Variants in RGS7 observed in about 807,000 individuals in gnomAD.
RGS7 encodes regulator of G protein signaling 7.
Under a neutral mutation model 81.1 loss-of-function variants are expected in RGS7, and 27 were observed. The observed-to-expected ratio is 0.33, with a 90% confidence interval of 0.25 to 0.46. The LOEUF (loss-of-function observed/expected upper bound fraction) is 0.46, where lower values mean the gene tolerates loss of function less well. Among genes scored for constraint, RGS7 ranks in the 20% least tolerant of loss-of-function variants. RGS7 has a pLI of 1.00. For missense variants in RGS7, 396 were observed against 607.4 expected, an observed-to-expected ratio of 0.65 and a Z score of 3.66; for synonymous variants, 208 against 207.7, an observed-to-expected ratio of 1.00 and a Z score of -0.01.
At chr1:240,955,981 G>A (rs1362048318) in intron 4 of RGS7, among the ~76,000 whole-genome samples, 5 of 152,140 alleles carry the variant, frequency 3.3e-5, no homozygotes, top group Non-Finnish European at 7.3e-5. Context: ...GGGTTGTCAG[G>A]TATAGCACTA....
intron 10 of RGS7, among the ~76,000 whole-genome samples, chr1:240,825,780 C>T (rs1296724837): frequency 6.6e-6 from 1 of 152,140 alleles, no homozygotes. Flanking sequence ...CCATGTGAAA[C>T]ACGAGAAAGA....
chr1:241,351,174 T>TA (rs2083223959), intron 2 of RGS7, among the ~76,000 whole-genome samples: 1 of 151,944 alleles, frequency 6.6e-6, no homozygotes, highest in Non-Finnish European at 1.5e-5. Flanking sequence ...ATCTCAGCAG[T>TA]ATGGGAGGCT....
chr1:241,174,890 A>ATT (rs1351784629), intron 2 of RGS7, among the ~76,000 whole-genome samples: 13 of 132,114 alleles, frequency 9.8e-5, no homozygotes, highest in African/African-American at 3.8e-4. Flanking sequence ...AATTCACAGA[A>ATT]TTTTGTTTTT....
At chr1:240,803,687 G>C (rs573072913) in intron 15 of RGS7, among the ~76,000 whole-genome samples, 2 of 151,466 alleles carry the variant, frequency 1.3e-5, no homozygotes, top group Non-Finnish European at 2.9e-5. Flanking sequence ...AAAGGAAAAA[G>C]GTACTCATTC....
chr1:241,066,289 A>ACCT (rs2062058079), intron 3 of RGS7, among the ~76,000 whole-genome samples: 1 of 151,950 alleles, frequency 6.6e-6, no homozygotes, highest in East Asian at 1.9e-4. Context: ...GTGGATATAG[A>ACCT]CCTCTGAAGC....
intron 2 of RGS7, among the ~76,000 whole-genome samples, chr1:241,115,747 G>A (rs1446460271): frequency 2.6e-5 from 4 of 152,108 alleles, no homozygotes; most frequent in African/African-American, 7.2e-5. Flanking sequence ...TGACATGGAC[G>A]ACAATGACTA....
At chr1:241,293,987 A>C (rs1309829087) in intron 2 of RGS7, among the ~76,000 whole-genome samples, 2 of 152,204 alleles carry the variant, frequency 1.3e-5, no homozygotes, top group South Asian at 2.1e-4. Flanking sequence ...AGACACATGC[A>C]CTTGTATGTT....
intron 2 of RGS7, among the ~76,000 whole-genome samples, chr1:241,207,943 T>C (rs539482364): frequency 1.3e-5 from 2 of 152,282 alleles, no homozygotes; most frequent in Admixed American, 6.5e-5. Flanking sequence ...TCTCCCTCTG[T>C]CACCCAGGCT....
chr1:241,180,996 G>A (rs2071567987), intron 2 of RGS7, among the ~76,000 whole-genome samples: 1 of 152,220 alleles, frequency 6.6e-6, no homozygotes, highest in Non-Finnish European at 1.5e-5. Context: ...ATAACATTCT[G>A]GATAAAGGCA....
intron 18 of RGS7, among the ~76,000 whole-genome samples, chr1:240,794,045 T>C (rs978212862): frequency 6.6e-6 from 1 of 152,132 alleles, no homozygotes; most frequent in African/African-American, 2.4e-5. Context: ...GGCAGAGATG[T>C]AAAATCAAAA....
intron 18 of RGS7, among the ~76,000 whole-genome samples, chr1:240,783,163 A>C (rs1684416602): frequency 6.6e-6 from 1 of 152,210 alleles, no homozygotes; most frequent in Non-Finnish European, 1.5e-5. Context: ...GTGTCACAAT[A>C]AAACTTCCCC....
At chr1:241,026,857 T>G (rs995219573) in intron 3 of RGS7, among the ~76,000 whole-genome samples, 3 of 151,880 alleles carry the variant, frequency 2.0e-5, no homozygotes, top group African/African-American at 7.3e-5. Flanking sequence ...GCTTAGAGGA[T>G]CTCTCTGAGT....
intron 2 of RGS7, among the ~76,000 whole-genome samples, chr1:241,241,221 G>A (rs2076244667): frequency 6.6e-6 from 1 of 152,024 alleles, no homozygotes; most frequent in African/African-American, 2.4e-5. Context: ...TCCACTACAA[G>A]AAGCAGGCCT....
chr1:240,798,019 G>A (rs1364327745), intron 18 of RGS7, among the ~76,000 whole-genome samples: 1 of 152,094 alleles, frequency 6.6e-6, no homozygotes, highest in South Asian at 2.1e-4. Flanking sequence ...AAAAGAAAAA[G>A]CTTGCTTCGA....
At chr1:241,030,943 A>G (rs965828857) in intron 3 of RGS7, among the ~76,000 whole-genome samples, 9 of 152,158 alleles carry the variant, frequency 5.9e-5, no homozygotes, top group Non-Finnish European at 1.3e-4. Flanking sequence ...AACACCCCCC[A>G]ACACAAAACA....
At chr1:241,094,609 C>A (rs867436749) in intron 3 of RGS7, among the ~76,000 whole-genome samples, 10 of 151,772 alleles carry the variant, frequency 6.6e-5, no homozygotes, top group Non-Finnish European at 1.2e-4. Context: ...ACTCTAAAAC[C>A]AAAACAAAAA....
chr1:241,288,382 T>C (rs979260948), intron 2 of RGS7, among the ~76,000 whole-genome samples: 1 of 152,198 alleles, frequency 6.6e-6, no homozygotes, highest in Admixed American at 6.5e-5. Context: ...CATATCTAGT[T>C]CAGGCTCCTT....
At chr1:240,788,357 G>C (rs147374438) in intron 18 of RGS7, among the ~76,000 whole-genome samples, 2 of 152,190 alleles carry the variant, frequency 1.3e-5, no homozygotes, top group African/African-American at 2.4e-5. Context: ...GCAGAAATGT[G>C]AGGACCTAAT....
intron 6 of RGS7, among the ~76,000 whole-genome samples, chr1:240,908,149 G>A (rs1671134905): frequency 7.1e-6 from 1 of 140,956 alleles, no homozygotes; most frequent in African/African-American, 2.6e-5. Context: ...ACTGAACAAT[G>A]AGAACACCTG....
Sources: gnomAD v4.1 joint callset for allele counts (sites outside exome capture counted in the v4.1 genomes callset) on GRCh38, gnomAD v4.1.1 for gene constraint, MANE v1.5 for transcripts, NCBI Gene and HGNC (gene_info 2026-07-23, HGNC 2026-07-21) for gene names.